Variants in MYO1B observed in about 807,000 individuals in gnomAD.
MYO1B encodes the protein unconventional myosin-Ib.
In MYO1B, 72 loss-of-function variants were observed where a neutral mutation model predicts 159.7. The ratio of observed to expected loss-of-function variants is 0.45; its 90% confidence interval spans 0.37 to 0.55. MYO1B has a LOEUF of 0.55. MYO1B is among the 20% of genes least tolerant of loss of function. MYO1B has a pLI of 0.00. For synonymous variants in MYO1B, 468 were observed against 473.8 expected (o/e 0.99, Z 0.16); for missense variants, 1,062 against 1,364.8 (o/e 0.78, Z 3.50).
chr2:191,407,051 C>G (rs973427848), intron 24 of MYO1B, among the ~76,000 whole-genome samples: 2 of 152,190 alleles, frequency 1.3e-5, no homozygotes, highest in Admixed American at 1.3e-4. Flanking sequence ...CTAAAGGCAA[C>G]AGCAGCTACT....
At chr2:191,269,187 A>T (rs1687315197) in intron 1 of MYO1B, among the ~76,000 whole-genome samples, 1 of 152,146 alleles carries the variant, frequency 6.6e-6, no homozygotes, top group Admixed American at 6.6e-5. Flanking sequence ...GCCCCTGGTA[A>T]CCACCATTCT....
At chr2:191,396,898 G>A (rs962915573) in intron 21 of MYO1B, among the ~76,000 whole-genome samples, 1 of 152,060 alleles carries the variant, frequency 6.6e-6, no homozygotes, top group Non-Finnish European at 1.5e-5. Context: ...TACCCATCAC[G>A]ATTGAAAGAT....
chr2:191,363,549 C>T (rs918980026), intron 9 of MYO1B, among the ~76,000 whole-genome samples, 179 bp from the exon 10 acceptor site: 5 of 152,096 alleles, frequency 3.3e-5, no homozygotes, highest in African/African-American at 1.2e-4. Flanking sequence ...CTGCAACCCC[C>T]GCCACAGCAC....
chr2:191,397,124 ATTTCTTTTTT>A (rs1696137137), intron 21 of MYO1B, among the ~76,000 whole-genome samples: 3 of 6,988 alleles, frequency 4.3e-4, no homozygotes, highest in Admixed American at 1.3e-3. Flanking sequence ...AAAGAAGATG[ATTTCTTTTTT>A]TTTTTTTTTT....
intron 1 of MYO1B, among the ~76,000 whole-genome samples, chr2:191,272,027 T>A (rs1344131553): frequency 2.6e-5 from 4 of 152,250 alleles, no homozygotes; most frequent in African/African-American, 9.6e-5. Flanking sequence ...TCTTGGATTT[T>A]GAGGAACTTT....
Position 191,358,202 on chromosome 2 carries a change from G to A in MYO1B, c.563-2429G>A, listed in dbSNP as rs532740459. On this transcript the variant is annotated intron_variant, in intron 7 of 30. Coordinates refer to ENST00000392318, the MANE Select transcript of MYO1B (RefSeq NM_001130158.3). ...CTATTGCTTACCAAGACTGGGATGC[G>A]AGCCTCATTTTCTCATTTGTAAAAT... 4.6e-5 allele frequency among the ~76,000 whole-genome samples: 7 copies of A among 152,198 alleles called. No homozygotes were observed. The South Asian group carries it at 6.2e-4, about 14-fold the overall frequency.
chr2:191,342,945 T>C (rs1289993305), intron 5 of MYO1B, among the ~76,000 whole-genome samples: 1 of 152,200 alleles, frequency 6.6e-6, no homozygotes, highest in African/African-American at 2.4e-5. Flanking sequence ...ATGTCTTTAC[T>C]GTCACTTAAC....
At chr2:191,257,252 T>C (rs147247387) in intron 1 of MYO1B, among the ~76,000 whole-genome samples, 171 of 152,316 alleles carry the variant, frequency 1.1e-3, no homozygotes, top group Middle Eastern at 6.8e-3. Context: ...GTTAATTTAT[T>C]TGCTGACAAA....
chr2:191,418,482 A>ATTTTTTTTTTTT (rs1159016855), intron 30 of MYO1B, among the ~76,000 whole-genome samples: 7 of 81,044 alleles, frequency 8.6e-5, no homozygotes, highest in East Asian at 4.5e-4. Flanking sequence ...TCTTTAGTGG[A>ATTTTTTTTTTTT]TTTTTTTTTT....
rs781587489 is a variant in MYO1B at position 191,362,227 on chromosome 2, T to G, written c.662-41T>G. ...GGGAATGAGATATTAAAGATTGGAT[T>G]TATTGAAGCAACTTAACAACTTGTG... On this transcript the variant is annotated intron_variant, in intron 8 of 30. Transcript: ENST00000392318. 6 of 1,481,356 alleles carry G rather than the reference T, an allele frequency of 4.1e-6. No individual in the cohort carries two copies. The African/African-American group carries it at 5.5e-5, about 14-fold the overall frequency. The allele number at this position is 1,481,356 out of a possible 1,614,324, so 91.8% of individuals were successfully genotyped here.
At position 191,408,317 on chromosome 2, in the gene MYO1B, G is replaced by C. The variant is rs116144513; in HGVS notation, c.2631+128G>C. 550 of 611,608 alleles carry C rather than the reference G, an allele frequency of 9.0e-4. 3 individuals carry two copies. Among genetic ancestry groups the C allele is most frequent in the African/African-American group, 8.7e-3 (468 of 53,942 alleles). The allele number at this position is 611,608 out of a possible 1,614,324, so 37.9% of individuals were successfully genotyped here. A position where few individuals can be genotyped will look rare whatever the true frequency, so the allele number is the denominator to read the frequency against. ...CTTTTTAAATAATAATTAAATCATA[G>C]CTGTGACACTGAGAGTTAGTTATCT... On this transcript the variant is annotated intron_variant, in intron 25 of 30. Transcript: ENST00000392318.
chr2:191,379,528 G>A (rs1434320117), intron 13 of MYO1B, among the ~76,000 whole-genome samples: 1 of 152,170 alleles, frequency 6.6e-6, no homozygotes, highest in Non-Finnish European at 1.5e-5. Context: ...TGTTTTAGAA[G>A]TGTACTTTGA....
intron 11 of MYO1B, 22 bp downstream of exon 11, chr2:191,364,298 G>A (rs1693857843): frequency 6.4e-7 from 1 of 1,564,018 alleles, no homozygotes; most frequent in African/African-American, 1.4e-5. Context: ...ATAATGTACA[G>A]ACGAAAGTTT....
At chr2:191,400,708 G>A (rs771643377) in intron 22 of MYO1B, 41 bp from the exon 23 acceptor site, 13 of 1,605,196 alleles carry the variant, frequency 8.1e-6, no homozygotes, top group Non-Finnish European at 1.0e-5. Context: ...AACCTTTCCT[G>A]CCTTAAACTT....
In MYO1B at chr2:191,330,250, G is replaced by A. The variant is rs575915520; in HGVS notation, c.346+221G>A. Among the ~76,000 whole-genome samples, 38 of 152,206 alleles carry A rather than the reference G, an allele frequency of 2.5e-4. 1 individual carries two copies. The highest frequency in any genetic ancestry group is 8.2e-4 in the African/African-American group (34 of 41,546). ...TCCAACCAATATGAAGTCTAGTGCC[G>A]GATTCTAGACCTTTTTAGCGTAGTC... On this transcript the variant is annotated intron_variant, in intron 4 of 30. Transcript: ENST00000392318.
chr2:191,282,590 C>T (rs1487825619), intron 2 of MYO1B, among the ~76,000 whole-genome samples: 2 of 152,224 alleles, frequency 1.3e-5, no homozygotes, highest in Non-Finnish European at 2.9e-5. Flanking sequence ...TTCAGTACCA[C>T]AGGCCCATTC....
At chr2:191,332,461 A>G (rs1014164589) in intron 4 of MYO1B, among the ~76,000 whole-genome samples, 2 of 151,236 alleles carry the variant, frequency 1.3e-5, no homozygotes, top group Non-Finnish European at 2.9e-5. Flanking sequence ...ATTTATTTTT[A>G]TTAATTTTGG....
At chr2:191,366,684 T>TTA (rs982921115) in intron 11 of MYO1B, among the ~76,000 whole-genome samples, 9 of 152,118 alleles carry the variant, frequency 5.9e-5, no homozygotes, top group African/African-American at 1.9e-4. Flanking sequence ...CCCACACAGC[T>TTA]TACCTCAGTT....
At chr2:191,322,392 C>G (rs1008890350) in intron 3 of MYO1B, among the ~76,000 whole-genome samples, 1 of 152,122 alleles carries the variant, frequency 6.6e-6, no homozygotes, top group Non-Finnish European at 1.5e-5. Context: ...TAATGTGTGT[C>G]TCCAATACCT....
Sources: gnomAD v4.1 joint callset for allele counts (sites outside exome capture counted in the v4.1 genomes callset) on GRCh38, gnomAD v4.1.1 for gene constraint, MANE v1.5 for transcripts, NCBI Gene and HGNC (gene_info 2026-07-23, HGNC 2026-07-21) for gene names.